The following ZNF83 variants were observed in gnomAD, a reference collection of about 807,000 sequenced individuals.
ZNF83 encodes zinc finger protein 816B.
For synonymous variants in ZNF83, 209 were observed against 213.0 expected (o/e 0.98, Z 0.17); for missense variants, 552 against 629.9 (o/e 0.88, Z 1.32).
At chr19:52,629,498 G>A (rs572219167) in intron 2 of ZNF83, among the ~76,000 whole-genome samples, 15 of 152,076 alleles carry the variant, frequency 9.9e-5, no homozygotes, top group African/African-American at 2.2e-4. Context: ...CTCAGCCTCC[G>A]CTCCTCCACC....
chr19:52,657,913 G>A (rs1419971078), intron 2 of ZNF83, among the ~76,000 whole-genome samples: 1 of 151,484 alleles, frequency 6.6e-6, no homozygotes, highest in Non-Finnish European at 1.5e-5. Flanking sequence ...AAGGCGGGGG[G>A]ATCACCTGAG....
At chr19:52,645,109 G>A (rs193411) in intron 3 of ZNF83, among the ~76,000 whole-genome samples, 18,244 of 151,814 alleles carry the variant, frequency 0.12, 1,800 homozygotes, top group East Asian at 0.4. Context: ...CAGAGGGCCT[G>A]AGGGAAACAT....
chr19:52,620,294 A>ATGTGTGTGTGTGTG (rs1568534894), intron 2 of ZNF83, among the ~76,000 whole-genome samples: 1 of 146,288 alleles, frequency 6.8e-6, no homozygotes, highest in South Asian at 2.2e-4. Flanking sequence ...GTGTGTGTGT[A>ATGTGTGTGTGTGTG]TATATAGTTT....
intron 2 of ZNF83, among the ~76,000 whole-genome samples, chr19:52,622,797 T>C (rs1449250036): frequency 6.6e-6 from 1 of 152,022 alleles, no homozygotes; most frequent in South Asian, 2.1e-4. Flanking sequence ...GCTTCAAAAA[T>C]TGGAATCCAG....
intron 1 of ZNF83, among the ~76,000 whole-genome samples, chr19:52,671,052 G>T (rs1392075949): frequency 1.3e-5 from 2 of 152,168 alleles, no homozygotes; most frequent in African/African-American, 4.8e-5. Context: ...AGAAGAAAAA[G>T]ATCTAGCTAT....
At chr19:52,631,469 C>G (rs993719462) in intron 2 of ZNF83, among the ~76,000 whole-genome samples, 15 of 152,308 alleles carry the variant, frequency 9.8e-5, no homozygotes, top group African/African-American at 3.4e-4. Flanking sequence ...AAATCACAAA[C>G]TATGCTCAAC....
At chr19:52,649,715 A>G (rs550371346) in intron 3 of ZNF83, among the ~76,000 whole-genome samples, 1 of 152,336 alleles carries the variant, frequency 6.6e-6, no homozygotes, top group East Asian at 1.9e-4. Context: ...AGAAGACCCT[A>G]GCAGGCAAGA....
intron 3 of ZNF83, among the ~76,000 whole-genome samples, chr19:52,650,101 A>C (rs1361059404): frequency 6.6e-6 from 1 of 152,138 alleles, no homozygotes; most frequent in Non-Finnish European, 1.5e-5. Flanking sequence ...GTCATTTCAA[A>C]AGAGAATGTC....
At chr19:52,664,572 C>G (rs557639620) in intron 1 of ZNF83, among the ~76,000 whole-genome samples, 3 of 152,230 alleles carry the variant, frequency 2.0e-5, no homozygotes, top group African/African-American at 7.2e-5. Flanking sequence ...TTAACACGAA[C>G]TTTTAAGTCC....
intron 1 of ZNF83, among the ~76,000 whole-genome samples, chr19:52,687,614 G>GTATATATATATAATGTGTA (rs1437771631): frequency 8.6e-5 from 1 of 11,628 alleles, no homozygotes; most frequent in African/African-American, 1.0e-3. Flanking sequence ...TATATATAAT[G>GTATATATATATAATGTGTA]TGTATATATA....
intron 1 of ZNF83, among the ~76,000 whole-genome samples, chr19:52,684,862 C>T (rs1206270226): frequency 6.6e-6 from 1 of 152,186 alleles, no homozygotes; most frequent in African/African-American, 2.4e-5. Flanking sequence ...AGGCTGGACA[C>T]TGGCAGGGGC....
chr19:52,614,901 A>T (rs946511898), intron 2 of ZNF83, 104 bp from the exon 3 acceptor site: 4 of 1,077,902 alleles, frequency 3.7e-6, no homozygotes, highest in Non-Finnish European at 4.7e-6. Context: ...ACTTATGTTA[A>T]AGAAAGTTAT....
chr19:52,668,557 C>T (rs1172180459), intron 1 of ZNF83, among the ~76,000 whole-genome samples: 2 of 152,192 alleles, frequency 1.3e-5, no homozygotes, highest in Non-Finnish European at 2.9e-5. Context: ...CCACCTCCTA[C>T]AGCTGCCCCT....
chr19:52,680,752 A>C (rs2061900367), intron 1 of ZNF83, among the ~76,000 whole-genome samples: 1 of 142,648 alleles, frequency 7.0e-6, no homozygotes, highest in Non-Finnish European at 1.5e-5. Flanking sequence ...AACTGGGACT[A>C]CAGGCGCCCG....
chr19:52,674,701 T>A (rs965195239), intron 1 of ZNF83, among the ~76,000 whole-genome samples: 2 of 152,156 alleles, frequency 1.3e-5, no homozygotes, highest in East Asian at 3.8e-4. Context: ...TACTTAGGAA[T>A]AAACGTAAAA....
intron 2 of ZNF83, among the ~76,000 whole-genome samples, chr19:52,656,056 CA>C (rs1348921625): frequency 4.6e-5 from 7 of 151,996 alleles, no homozygotes; most frequent in Non-Finnish European, 1.0e-4. Flanking sequence ...ACTGAAAACA[CA>C]AAAACATTAA....
exon 3 of ZNF83, chr19:52,613,982 G>A (rs750544302): frequency 6.2e-7 from 1 of 1,613,562 alleles, no homozygotes; most frequent in Admixed American, 1.7e-5. Context: ...ATTCTTTGAT[G>A]TTGTGCAAGG....
chr19:52,634,801 G>A (rs980079739), intron 2 of ZNF83, among the ~76,000 whole-genome samples: 17 of 152,026 alleles, frequency 1.1e-4, no homozygotes, highest in African/African-American at 3.1e-4. Flanking sequence ...CTGACACCAC[G>A]GGACCCTCAC....
chr19:52,643,068 C>T (rs1292343878), upstream of ZNF83, among the ~76,000 whole-genome samples: 5 of 152,200 alleles, frequency 3.3e-5, no homozygotes, highest in South Asian at 6.2e-4. Flanking sequence ...GTAGGAGAAT[C>T]GCTTTAACCT....
Sources: gnomAD v4.1 joint callset for allele counts (sites outside exome capture counted in the v4.1 genomes callset) on GRCh38, gnomAD v4.1.1 for gene constraint, MANE v1.5 for transcripts, NCBI Gene and HGNC (gene_info 2026-07-23, HGNC 2026-07-21) for gene names.